Variants in ZAN observed in about 807,000 individuals in gnomAD.
The protein encoded by ZAN is zonadhesin (gene/pseudogene).
Under a neutral mutation model 286.2 loss-of-function variants are expected in ZAN, and 260 were observed. The observed-to-expected ratio is 0.91, with a 90% CI of 0.82 to 1.01. The LOEUF is 1.01. Ranked by LOEUF, ZAN falls within the 50% of genes least tolerant of loss-of-function variation. The pLI, the probability that ZAN is intolerant of heterozygous loss-of-function variation, is 0.00. For synonymous variants in ZAN, 1,368 were observed against 1,417.5 expected (o/e 0.97, Z 0.79); for missense variants, 3,410 against 3,639.2 (o/e 0.94, Z 1.62).
chr7:100,758,471 T>C, intron 16 of ZAN, 60 bp from the exon 17 acceptor site: 6 of 1,552,862 alleles, frequency 3.9e-6, no homozygotes, highest in South Asian at 1.2e-5. Context: ...GGCCAGCATG[T>C]GCGGTCCAGC....
intron 7 of ZAN, 136 bp from the exon 8 acceptor site, chr7:100,746,402 C>A: frequency 8.8e-7 from 1 of 1,130,374 alleles, no homozygotes; most frequent in Non-Finnish European, 1.2e-6. Flanking sequence ...GGGATAGGAC[C>A]ACCTCAGTGC....
rs771687571 is a variant in ZAN, at chr7:100,752,401, C to G, written c.2296C>G (p.Pro766Ala). Residue 766 changes from proline to alanine, a missense_variant, in exon 14 of 48, where the codon CCC (proline) becomes GCC (alanine). Coordinates refer to ENST00000613979, the MANE Select transcript of ZAN (RefSeq NM_003386.3). ...AAAACCCACCACCCCCACAGAAAAA[C>G]CCACCATCTCCCCAGAAAAACTCAC... is the stretch of plus-strand genomic sequence containing the variant. ...PEKPTTPTEK[P>A]TISPEKLTIP... 6.5e-7 allele frequency: 1 copy of G among 1,542,602 alleles called. No individual in the cohort carries two copies. Among genetic ancestry groups the G allele is most frequent in the South Asian group, 1.2e-5 (1 of 85,884 alleles).
At chr7:100,786,221 G>A in intron 37 of ZAN, 80 bp downstream of exon 37, 1 of 1,583,294 alleles carries the variant, frequency 6.3e-7, no homozygotes. Flanking sequence ...AGGGTGGGAA[G>A]GGGCTTAGCC....
chr7:100,792,201 T>G, intron 41 of ZAN, 53 bp downstream of exon 41: 1 of 1,526,930 alleles, frequency 6.5e-7, no homozygotes, highest in Non-Finnish European at 8.8e-7. Flanking sequence ...TGCTCTGGTC[T>G]TTCCCTGGGG....
At chr7:100,749,918 G>T (rs928132952) in intron 11 of ZAN, among the ~76,000 whole-genome samples, 2 of 149,402 alleles carry the variant, frequency 1.3e-5, no homozygotes, top group African/African-American at 4.9e-5. Context: ...AGACATGGTG[G>T]TACACACCTG....
At chr7:100,759,053 G>A (rs184449718) in intron 17 of ZAN, among the ~76,000 whole-genome samples, 15 of 151,966 alleles carry the variant, frequency 9.9e-5, no homozygotes, top group East Asian at 1.9e-4. Flanking sequence ...GTGAAACCCC[G>A]TCTCTACTAA....
At chr7:100,754,212 ACTT>A (rs917421265) in intron 14 of ZAN, among the ~76,000 whole-genome samples, 5 of 152,060 alleles carry the variant, frequency 3.3e-5, no homozygotes, top group Non-Finnish European at 5.9e-5. Context: ...TAATCCCAAC[ACTT>A]TGGGAGGCTG....
chr7:100,744,791 C>T (rs896178446), intron 7 of ZAN, among the ~76,000 whole-genome samples: 21 of 150,706 alleles, frequency 1.4e-4, no homozygotes, highest in African/African-American at 5.1e-4. Flanking sequence ...TTCCATCTTG[C>T]TCGCTTCCTT....
Position 100,771,968 on chromosome 7 carries a change from C to T in ZAN, c.5373C>T (p.Ser1791=). The T allele has an allele frequency of 1.9e-6, 3 of 1,609,650 alleles. No individual in the cohort carries two copies. The highest frequency in any genetic ancestry group is 2.5e-6 in the Non-Finnish European group (3 of 1,179,164). Residue 1791 remains serine, a synonymous_variant, in exon 29 of 48, where the codon TCC becomes TCT. Coordinates refer to ENST00000613979, the MANE Select transcript of ZAN (RefSeq NM_003386.3). ...GCCGCTCCCTGCAGGCCTACGCGTC[C>T]CTGTGTGCCCAGGCTGGCCAGGCCC... The part of the protein sequence containing the change: ...ALCRSLQAYA[S]LCAQAGQAPA...
At chr7:100,738,987 CTCTCCT>C (rs1295059367) in intron 7 of ZAN, among the ~76,000 whole-genome samples, 2,069 of 39,334 alleles carry the variant, frequency 0.053, 279 homozygotes, top group East Asian at 0.07. Flanking sequence ...CTCCCTCTCC[CTCTCCT>C]TCTCCTTCTC....
rs369009637 is a variant in ZAN at position 100,795,231 on chromosome 7, G to T, written c.8161G>T (p.Gly2721Trp). The T allele has an allele frequency of 2.1e-4, 333 of 1,611,078 alleles. No homozygotes were observed. The highest frequency in any genetic ancestry group is 2.7e-4 in the Non-Finnish European group (321 of 1,178,694). ...PCLQNPCQND[G>W]QCREQGATFT... is the part of the protein sequence containing the mutation. The stretch of plus-strand genomic sequence containing the variant: ...TCTGCAGAACCCCTGTCAGAATGAC[G>T]GGCAGTGTCGGGAGCAGGGAGCCAC... The change falls in exon 45 of 48, where the codon GGG becomes TGG. Residue 2721 changes from glycine to tryptophan, a missense_variant. Coordinates refer to ENST00000613979, the MANE Select transcript of ZAN (RefSeq NM_003386.3).
chr7:100,781,399 G>A (rs1007751136), intron 35 of ZAN, among the ~76,000 whole-genome samples: 3 of 152,130 alleles, frequency 2.0e-5, no homozygotes, highest in East Asian at 1.9e-4. Context: ...ACACTCTCGC[G>A]TTCCAGGAGC....
chr7:100,796,419 T>C (rs1029541139), intron 45 of ZAN, among the ~76,000 whole-genome samples: 8 of 144,940 alleles, frequency 5.5e-5, no homozygotes, highest in African/African-American at 1.8e-4. Flanking sequence ...CCCAGGAATC[T>C]GCTTTTTTTT....
At chr7:100,788,950 C>T (rs577283483) in intron 38 of ZAN, among the ~76,000 whole-genome samples, 8 of 152,246 alleles carry the variant, frequency 5.3e-5, no homozygotes, top group South Asian at 2.1e-4. Flanking sequence ...CCGCCCGACT[C>T]GGCCTCCCAA....
chr7:100,772,020 C>T lies in ZAN; in HGVS notation c.5425C>T (p.Pro1809Ser), dbSNP rs201562231. ...TGCCTGGCGGAACAGAACCTTCTGC[C>T]GTGAGTGACTGGCCACCTGTTCCCA... ...APAWRNRTFC[P>S]MRCPPGSSYS... The change falls in exon 29 of 48, where the codon CCT (proline) becomes TCT (serine). Residue 1809 changes from proline (P) to serine (S), a missense_variant and splice_region_variant. Coordinates refer to ENST00000613979, the MANE Select transcript of ZAN (RefSeq NM_003386.3). 5.0e-6 allele frequency: 8 copies of T among 1,591,298 alleles called. No individual in the cohort carries two copies. The highest frequency in any genetic ancestry group is 4.0e-5 in the African/African-American group (3 of 74,662).
At chr7:100,774,007 A>C in intron 31 of ZAN, 142 bp downstream of exon 31, 1 of 1,280,862 alleles carries the variant, frequency 7.8e-7, no homozygotes, top group Non-Finnish European at 1.1e-6. Flanking sequence ...TCTGGTGGGT[A>C]AGATGACCTC....
intron 35 of ZAN, among the ~76,000 whole-genome samples, chr7:100,780,020 C>G (rs780624016): frequency 6.6e-6 from 1 of 151,952 alleles, no homozygotes; most frequent in Admixed American, 6.6e-5. Flanking sequence ...CATGGTGAAA[C>G]CCCATCCTAC....
At chr7:100,759,359 T>A (rs141021504) in intron 17 of ZAN, among the ~76,000 whole-genome samples, 1 of 152,228 alleles carries the variant, frequency 6.6e-6, no homozygotes, top group East Asian at 1.9e-4. Flanking sequence ...TGAGCTATGA[T>A]CACACCACTG....
Position 100,762,360 on chromosome 7 carries a change from T to G in ZAN, c.3986+2T>G. 6.3e-7 allele frequency: 1 copy of G among 1,598,238 alleles called. No individual in the cohort carries two copies. The highest frequency in any genetic ancestry group is 8.5e-7 in the Non-Finnish European group (1 of 1,172,210). On this transcript the variant is annotated splice_donor_variant, in intron 20 of 47. Transcript: ENST00000613979. LOFTEE classifies it high-confidence loss of function. Reference sequence around the variant, plus strand: ...GACGGACCAGGACGAGGACCAGGAGTGAGCAAGGAGCCCTCCCACCGGGGC... The same window carrying G: ...GACGGACCAGGACGAGGACCAGGAGGGAGCAAGGAGCCCTCCCACCGGGGC...
Sources: gnomAD v4.1 joint callset for allele counts (sites outside exome capture counted in the v4.1 genomes callset) on GRCh38, gnomAD v4.1.1 for gene constraint, MANE v1.5 for transcripts, NCBI Gene and HGNC (gene_info 2026-07-23, HGNC 2026-07-21) for gene names.